CCDC7: variants seen among roughly 807,000 people sequenced by gnomAD.
CCDC7 encodes the protein coiled-coil domain containing 7, also known as coiled-coil domain-containing protein 7.
A neutral mutation model predicts 196.9 loss-of-function variants in CCDC7; 183 were observed. The ratio of observed to expected loss-of-function variants is 0.93; its 90% CI spans 0.82 to 1.05. The LOEUF is 1.05. CCDC7 is among the 50% of genes least tolerant of loss of function. The pLI is 0.00. For missense variants in CCDC7, 1,540 were observed against 1,482.2 expected (o/e 1.04, Z -0.64); for synonymous variants, 525 against 484.6 (o/e 1.08, Z -1.10).
intron 18 of CCDC7, among the ~76,000 whole-genome samples, chr10:32,632,529 A>C (rs1014547774): frequency 4.6e-5 from 7 of 151,990 alleles, no homozygotes; most frequent in Admixed American, 3.9e-4. Flanking sequence ...CTTATAAGGT[A>C]GAAGTTTTGT....
intron 28 of CCDC7, among the ~76,000 whole-genome samples, chr10:32,742,671 C>G (rs1179831577): frequency 1.3e-5 from 2 of 152,150 alleles, no homozygotes; most frequent in Admixed American, 1.3e-4. Flanking sequence ...AACTTATTTT[C>G]TCACAGTTCT....
chr10:32,444,217 A>T (rs2030487648), upstream of CCDC7, among the ~76,000 whole-genome samples: 1 of 152,220 alleles, frequency 6.6e-6, no homozygotes, highest in African/African-American at 2.4e-5. Flanking sequence ...TGTTAGCTGG[A>T]GATAGTTCAC....
intron 11 of CCDC7, among the ~76,000 whole-genome samples, chr10:32,520,460 A>T (rs1466861696): frequency 1.3e-5 from 2 of 152,022 alleles, no homozygotes; most frequent in Non-Finnish European, 2.9e-5. Context: ...TGCATTTCTC[A>T]GATGATCAGT....
At chr10:32,559,043 G>A (rs1166851277) in intron 13 of CCDC7, among the ~76,000 whole-genome samples, 6 of 152,160 alleles carry the variant, frequency 3.9e-5, no homozygotes, top group African/African-American at 9.7e-5. Context: ...AGGGTCGTAC[G>A]CCCACGGAGT....
intron 15 of CCDC7, among the ~76,000 whole-genome samples, chr10:32,570,545 G>A (rs988227490): frequency 6.6e-6 from 1 of 152,198 alleles, no homozygotes; most frequent in Non-Finnish European, 1.5e-5. Flanking sequence ...GTCAGTCTTC[G>A]TGGTAGGGAG....
chr10:32,596,860 C>G (rs998761538), intron 18 of CCDC7, among the ~76,000 whole-genome samples: 2 of 152,194 alleles, frequency 1.3e-5, no homozygotes, highest in Non-Finnish European at 1.5e-5. Context: ...GGCCCCCACT[C>G]TCTTCTGGCT....
At chr10:32,748,247 C>T (rs941758687) in intron 28 of CCDC7, among the ~76,000 whole-genome samples, 4 of 152,074 alleles carry the variant, frequency 2.6e-5, no homozygotes, top group Admixed American at 1.3e-4. Context: ...GATCAAAAAA[C>T]TATCAGGTAA....
At chr10:32,840,128 C>T (rs1483823664) in intron 33 of CCDC7, among the ~76,000 whole-genome samples, 1 of 151,776 alleles carries the variant, frequency 6.6e-6, no homozygotes, top group African/African-American at 2.4e-5. Context: ...AACCCAAACC[C>T]AGCAGAAGAA....
At chr10:32,848,811 C>A in intron 39 of CCDC7, 93 bp downstream of exon 40, 1 of 1,044,542 alleles carries the variant, frequency 9.6e-7, no homozygotes, top group Non-Finnish European at 1.4e-6. Flanking sequence ...TTGCATCTTA[C>A]TTTTTTTTCA....
chr10:32,790,218 G>A lies in CCDC7; in HGVS notation c.3013+11134G>A, dbSNP rs974233564. On this transcript the variant is annotated intron_variant, in intron 29 of 41. Coordinates refer to ENST00000639629, the Ensembl canonical transcript of CCDC7. Reference sequence around the variant, plus strand: ...AGTGGTAACTCTGACTCCACGGCCCGCTCAGCATTGTTCTATTGGGGGCTG... The same window carrying A: ...AGTGGTAACTCTGACTCCACGGCCCACTCAGCATTGTTCTATTGGGGGCTG... 9.9e-5 allele frequency among the ~76,000 whole-genome samples: 15 copies of A among 152,282 alleles called. No individual in the cohort carries two copies. In the South Asian group the frequency reaches 1.5e-3, roughly 15 times the overall value.
Position 32,869,815 on chromosome 10 carries a change from CGTTT to C in CCDC7, c.4112-6531_4112-6528del, listed in dbSNP as rs1565768764. 5.3e-4 allele frequency among the ~76,000 whole-genome samples: 44 copies of C among 82,258 alleles called. 1 individual carries two copies. In the South Asian group the frequency reaches 0.015, roughly 28 times the overall value. 54.0% of individuals were successfully genotyped at this position (82,258 alleles called of 152,430 possible). A position where few individuals can be genotyped will look rare whatever the true frequency, so the allele number is the denominator to read the frequency against. ...CAGCACCATTTATTAAATAGGGAAT[CGTTT>C]CCCCATTTCCCAGCACCATTTATTA... On this transcript the variant is annotated intron_variant, in intron 41 of 41. Coordinates refer to ENST00000639629, the Ensembl canonical transcript of CCDC7.
intron 13 of CCDC7, among the ~76,000 whole-genome samples, chr10:32,545,313 A>T (rs2052235811): frequency 6.6e-6 from 1 of 152,212 alleles, no homozygotes; most frequent in African/African-American, 2.4e-5. Flanking sequence ...ACCTTTGTAG[A>T]TGTTTAGAGT....
chr10:32,725,222 TTC>T, intron 25 of CCDC7: 2 of 415,102 alleles, frequency 4.8e-6, no homozygotes, highest in Non-Finnish European at 4.8e-6. Flanking sequence ...TTTGAATCCT[TTC>T]TCTCGAAGCA....
At chr10:32,772,838 C>T (rs1005104491) in intron 28 of CCDC7, among the ~76,000 whole-genome samples, 1 of 152,176 alleles carries the variant, frequency 6.6e-6, no homozygotes, top group African/African-American at 2.4e-5. Context: ...CCAGAGGCAA[C>T]CTTCCGACCT....
chr10:32,514,754 T>C (rs2046766303), intron 9 of CCDC7, among the ~76,000 whole-genome samples: 1 of 152,196 alleles, frequency 6.6e-6, no homozygotes, highest in African/African-American at 2.4e-5. Context: ...CAAAACATCA[T>C]TGAAAGAACT....
chr10:32,582,106 CTATATATATA>C (rs6143863), intron 16 of CCDC7, among the ~76,000 whole-genome samples: 1,574 of 103,748 alleles, frequency 0.015, 77 homozygotes, highest in South Asian at 0.044. Context: ...ACTGTCAGCA[CTATATATATA>C]TATATATATA....
chr10:32,475,365 G>GT (rs2038778788), intron 8 of CCDC7, among the ~76,000 whole-genome samples: 1 of 152,216 alleles, frequency 6.6e-6, no homozygotes. Context: ...GAATACCACT[G>GT]TTTCATGTAT....
chr10:32,490,666 G>A (rs1352664049), intron 8 of CCDC7, among the ~76,000 whole-genome samples: 1 of 151,982 alleles, frequency 6.6e-6, no homozygotes, highest in Non-Finnish European at 1.5e-5. Flanking sequence ...GTGTGGTGGT[G>A]GGCTCCTGTA....
chr10:32,764,411 AAGTT>A (rs1472165998), intron 28 of CCDC7, among the ~76,000 whole-genome samples: 5 of 151,814 alleles, frequency 3.3e-5, no homozygotes, highest in Admixed American at 1.3e-4. Context: ...GAAAAGAACA[AAGTT>A]AGATCACACC....
Sources: gnomAD v4.1 joint callset for allele counts (sites outside exome capture counted in the v4.1 genomes callset) on GRCh38, gnomAD v4.1.1 for gene constraint, MANE v1.5 for transcripts, NCBI Gene and HGNC (gene_info 2026-07-23, HGNC 2026-07-21) for gene names.